Variants in LRRC4C observed in about 807,000 individuals in gnomAD.
LRRC4C encodes leucine rich repeat containing 4C, also known as leucine-rich repeat-containing protein 4C.
Under a neutral mutation model 33.6 loss-of-function variants are expected in LRRC4C, and 5 were observed. The observed-to-expected ratio is 0.15, with a 90% CI of 0.08 to 0.31. The LOEUF is 0.31. Among genes scored for constraint, LRRC4C ranks in the 10% least tolerant of loss-of-function variants. The pLI is 1.00. For synonymous variants in LRRC4C, 329 were observed against 302.0 expected, an observed-to-expected ratio of 1.09 and a Z score of -0.93; for missense variants, 560 against 796.7, an observed-to-expected ratio of 0.70 and a Z score of 3.58.
intron 1 of LRRC4C, among the ~76,000 whole-genome samples, chr11:41,378,150 TA>T (rs1197603158): frequency 6.7e-6 from 1 of 149,780 alleles, no homozygotes; most frequent in African/African-American, 2.5e-5. Flanking sequence ...GGGGAAGCAA[TA>T]AAAAAAAAGC....
At chr11:40,143,731 C>A (rs1022624394) in intron 5 of LRRC4C, among the ~76,000 whole-genome samples, 1 of 152,178 alleles carries the variant, frequency 6.6e-6, no homozygotes, top group African/African-American at 2.4e-5. Context: ...TCTCTGTCCC[C>A]TTATTCTGTT....
chr11:40,941,329 A>G (rs1005208966), intron 1 of LRRC4C, among the ~76,000 whole-genome samples: 2 of 152,128 alleles, frequency 1.3e-5, no homozygotes, highest in Admixed American at 6.6e-5. Context: ...ATCTGATTTT[A>G]TAGCTGTCTA....
At position 40,696,748 on chromosome 11, in the gene LRRC4C, G is replaced by GTGTATATATATATATA. The variant is rs368234307; in HGVS notation, c.-406-48471_-406-48470insTATATATATATATACA. ...GTCTCTGTGCATATATATACACTGTGTATATATATATATATATATATATAT... is the reference window on the plus strand; with the variant it reads ...GTCTCTGTGCATATATATACACTGTGTGTATATATATATATATATATATATATATATATATATATAT... On this transcript the variant is annotated intron_variant, in intron 2 of 6. Transcript: ENST00000528697. 5.4e-3 allele frequency among the ~76,000 whole-genome samples: 678 copies of GTGTATATATATATATA among 125,842 alleles called. 10 individuals carry two copies. Among genetic ancestry groups the GTGTATATATATATATA allele is most frequent in the African/African-American group, 0.012 (385 of 31,952 alleles). 82.6% of individuals were successfully genotyped at this position (125,842 alleles called of 152,430 possible). A position where few individuals can be genotyped will look rare whatever the true frequency, so the allele number is the denominator to read the frequency against.
chr11:40,814,525 T>C (rs1401917598), intron 2 of LRRC4C, among the ~76,000 whole-genome samples: 3 of 152,094 alleles, frequency 2.0e-5, no homozygotes, highest in Admixed American at 1.3e-4. Context: ...AGACATTTTC[T>C]CCATTGTCTT....
At chr11:40,135,198 A>T (rs1408480333) in intron 6 of LRRC4C, among the ~76,000 whole-genome samples, 2 of 152,226 alleles carry the variant, frequency 1.3e-5, no homozygotes, top group Non-Finnish European at 2.9e-5. Flanking sequence ...CTTCCTAATG[A>T]CTGCAAAATA....
At chr11:40,579,104 G>A (rs116387958) in intron 3 of LRRC4C, among the ~76,000 whole-genome samples, 3,514 of 152,274 alleles carry the variant, frequency 0.023, 139 homozygotes, top group African/African-American at 0.08. Context: ...TTGGGAGGCC[G>A]AGGTAGGTAG....
intron 3 of LRRC4C, among the ~76,000 whole-genome samples, chr11:40,344,702 GAA>G (rs141855556): frequency 0.015 from 2,214 of 152,264 alleles, 46 homozygotes; most frequent in African/African-American, 0.049. Flanking sequence ...TAGGAAGAGA[GAA>G]AGTCAAACTA....
chr11:40,796,635 C>CTT (rs1188389556), intron 2 of LRRC4C, among the ~76,000 whole-genome samples: 9,474 of 104,858 alleles, frequency 0.09, 628 homozygotes, highest in African/African-American at 0.13. Context: ...AAGCAGAACT[C>CTT]TTTTTTTTTT....
chr11:40,262,387 G>A (rs1195177530), intron 4 of LRRC4C, among the ~76,000 whole-genome samples: 1 of 152,128 alleles, frequency 6.6e-6, no homozygotes, highest in African/African-American at 2.4e-5. Context: ...GTTGGTGGGA[G>A]TGCAAATTAG....
At chr11:41,059,021 AAAC>A (rs1858853195) in intron 1 of LRRC4C, among the ~76,000 whole-genome samples, 1 of 152,092 alleles carries the variant, frequency 6.6e-6, no homozygotes, top group Non-Finnish European at 1.5e-5. Flanking sequence ...ATATGGACAC[AAAC>A]TAGGGAACAA....
At chr11:40,976,094 T>C (rs764182896) in intron 1 of LRRC4C, among the ~76,000 whole-genome samples, 6 of 152,192 alleles carry the variant, frequency 3.9e-5, no homozygotes, top group Non-Finnish European at 8.8e-5. Context: ...TTTCTTTGCT[T>C]GGATTATATT....
At chr11:40,948,934 A>T (rs1276514595) in intron 1 of LRRC4C, among the ~76,000 whole-genome samples, 1 of 152,008 alleles carries the variant, frequency 6.6e-6, no homozygotes, top group Admixed American at 6.6e-5. Context: ...ATCCCTGAGG[A>T]ATTGCCACAC....
intron 3 of LRRC4C, among the ~76,000 whole-genome samples, chr11:40,488,429 A>C (rs1274128047): frequency 6.6e-6 from 1 of 152,046 alleles, no homozygotes; most frequent in Non-Finnish European, 1.5e-5. Context: ...TCATGGGGGA[A>C]ATAGAGTCTT....
chr11:40,401,358 A>T (rs1303795778), intron 3 of LRRC4C, among the ~76,000 whole-genome samples: 3 of 152,020 alleles, frequency 2.0e-5, no homozygotes, highest in African/African-American at 7.2e-5. Flanking sequence ...TGTTATATAG[A>T]CAAAGCAGTC....
intron 2 of LRRC4C, among the ~76,000 whole-genome samples, chr11:40,760,820 C>T (rs972779656): frequency 6.8e-6 from 1 of 146,022 alleles, no homozygotes; most frequent in Non-Finnish European, 1.5e-5. Context: ...CACACACACA[C>T]ACATATATTT....
intron 1 of LRRC4C, among the ~76,000 whole-genome samples, chr11:41,277,295 C>T (rs1035457289): frequency 1.3e-5 from 2 of 152,182 alleles, no homozygotes; most frequent in Admixed American, 6.5e-5. Context: ...GGTGAATTTT[C>T]CATGCATTAT....
intron 1 of LRRC4C, among the ~76,000 whole-genome samples, chr11:41,226,316 C>G (rs1947532195): frequency 6.6e-6 from 1 of 152,106 alleles, no homozygotes; most frequent in Non-Finnish European, 1.5e-5. Flanking sequence ...TCCAATTTTT[C>G]CATCAAAAGA....
At chr11:40,435,173 T>C (rs1565384797) in intron 3 of LRRC4C, among the ~76,000 whole-genome samples, 1 of 152,172 alleles carries the variant, frequency 6.6e-6, no homozygotes, top group South Asian at 2.1e-4. Flanking sequence ...GTTTATGCTT[T>C]ATATTAATGG....
chr11:40,748,063 C>G (rs1477666944), intron 2 of LRRC4C, among the ~76,000 whole-genome samples: 1 of 151,968 alleles, frequency 6.6e-6, no homozygotes, highest in African/African-American at 2.4e-5. Flanking sequence ...CTCTGTGATC[C>G]CTAAACAAAT....
Sources: allele counts gnomAD v4.1 joint callset (sites outside exome capture counted in the v4.1 genomes callset), GRCh38; gene constraint gnomAD v4.1.1; transcripts MANE v1.5; gene names NCBI Gene and HGNC (gene_info 2026-07-23, HGNC 2026-07-21).